Variants in PHC3 observed in about 807,000 individuals in gnomAD.
PHC3 encodes the protein polyhomeotic homolog 3.
Under a neutral mutation model 107.4 loss-of-function variants are expected in PHC3, and 13 were observed. That is an observed-to-expected ratio of 0.12 (90% CI 0.08 to 0.19). The LOEUF (loss-of-function observed/expected upper bound fraction) is 0.19. PHC3 is among the 10% of genes least tolerant of loss of function. The pLI is 1.00. For missense variants in PHC3, 992 were observed against 1,210.9 expected (o/e 0.82, Z 2.68); for synonymous variants, 456 against 427.4 (o/e 1.07, Z -0.83).
At position 170,102,976 on chromosome 3, in the gene PHC3, G is replaced by C. The variant is rs200268826; in HGVS notation, c.2469-42C>G. 9.2e-5 allele frequency: 142 copies of C among 1,544,268 alleles called. No homozygotes were observed. In the African/African-American group the frequency reaches 1.6e-3, roughly 17 times the overall value. ...AGAAAAAATATTTAATGATATATGG[G>C]ACAATCCATTTAGTATTTAATTGTG... is the stretch of plus-strand genomic sequence containing the variant. On this transcript the variant is annotated intron_variant, in intron 12 of 14. Coordinates refer to ENST00000495893, the MANE Select transcript of PHC3 (RefSeq NM_024947.4).
At chr3:170,180,142 A>AT (rs1400658533) in intron 1 of PHC3, among the ~76,000 whole-genome samples, 1 of 149,760 alleles carries the variant, frequency 6.7e-6, no homozygotes, top group Non-Finnish European at 1.5e-5. Flanking sequence ...GTAAAAAAAA[A>AT]CCGAACAAAA....
intron 10 of PHC3, among the ~76,000 whole-genome samples, chr3:170,113,752 A>G (rs913497736): frequency 1.3e-5 from 2 of 152,170 alleles, no homozygotes; most frequent in African/African-American, 4.8e-5. Context: ...GTCAAATGGA[A>G]CCTATTGTCT....
chr3:170,120,346 G>A (rs1317248226), intron 9 of PHC3, among the ~76,000 whole-genome samples: 1 of 152,080 alleles, frequency 6.6e-6, no homozygotes, highest in Non-Finnish European at 1.5e-5. Context: ...AGCATTTTGG[G>A]AGGCCGAAGT....
rs1048188373 is a variant in PHC3 at position 170,091,089 on chromosome 3, C to T, written c.*6141G>A. 3 of 152,174 alleles carry T rather than the reference C, an allele frequency of 2.0e-5. No homozygotes were observed. The highest frequency in any genetic ancestry group is 7.2e-5 in the African/African-American group (3 of 41,450). 9.4% of individuals were successfully genotyped at this position (152,174 alleles called of 1,614,324 possible). Reference sequence around the variant, plus strand: ...CTCATAAACACCAACTTTTTCACCACCATCACTTAAAGCTCCACAAAGCTT... The same window carrying T: ...CTCATAAACACCAACTTTTTCACCATCATCACTTAAAGCTCCACAAAGCTT... On this transcript the variant is annotated 3_prime_UTR_variant, in exon 15 of 15. Transcript: ENST00000495893.
intron 4 of PHC3, among the ~76,000 whole-genome samples, chr3:170,154,151 G>C (rs1726504742): frequency 6.6e-6 from 1 of 152,020 alleles, no homozygotes; most frequent in Non-Finnish European, 1.5e-5. Flanking sequence ...TAAGGGTGGG[G>C]GCCATGTGTT....
At chr3:170,116,972 T>C (rs1482564407) in intron 10 of PHC3, among the ~76,000 whole-genome samples, 2 of 152,068 alleles carry the variant, frequency 1.3e-5, no homozygotes, top group East Asian at 3.9e-4. Context: ...CAACTACCTT[T>C]CTCTAAAAAT....
At chr3:170,147,234 T>C (rs537453674) in intron 5 of PHC3, 15 of 152,306 alleles carry the variant, frequency 9.8e-5, no homozygotes, top group African/African-American at 2.9e-4. Context: ...TTTAGTAAAT[T>C]TGACAAGTTG....
intron 4 of PHC3, among the ~76,000 whole-genome samples, chr3:170,164,940 C>T (rs1360440721): frequency 6.6e-6 from 1 of 152,198 alleles, no homozygotes; most frequent in East Asian, 1.9e-4. Context: ...ACTCCCTCAA[C>T]CCCTCCAACA....
intron 7 of PHC3, 125 bp downstream of exon 7, chr3:170,136,294 T>C: frequency 8.5e-7 from 1 of 1,180,714 alleles, no homozygotes; most frequent in Non-Finnish European, 1.2e-6. Flanking sequence ...ATTAAGTTTA[T>C]AAAATTCACA....
chr3:170,176,200 TGGGC>T (rs1442996168), intron 2 of PHC3, among the ~76,000 whole-genome samples: 2 of 133,598 alleles, frequency 1.5e-5, no homozygotes, highest in Admixed American at 9.0e-5. Context: ...CACTCCAGCC[TGGGC>T]GATAGAGCGA....
intron 4 of PHC3, among the ~76,000 whole-genome samples, chr3:170,164,285 T>A (rs1027337996): frequency 5.9e-5 from 9 of 152,174 alleles, no homozygotes; most frequent in Non-Finnish European, 1.3e-4. Context: ...AGGGAAGTAG[T>A]CACTTTTACT....
chr3:170,099,059 A>G (rs541540174), intron 14 of PHC3, among the ~76,000 whole-genome samples: 3 of 152,292 alleles, frequency 2.0e-5, no homozygotes, highest in South Asian at 4.1e-4. Context: ...GAAAGAAAAG[A>G]AGAGAGAGAA....
At chr3:170,175,643 G>A (rs567852294) in intron 2 of PHC3, among the ~76,000 whole-genome samples, 169 of 151,430 alleles carry the variant, frequency 1.1e-3, no homozygotes, top group African/African-American at 3.9e-3. Flanking sequence ...AAAAGGGGGG[G>A]GCCAGGCGCA....
At chr3:170,124,907 AAAAATAAAAT>A (rs888524905) in intron 8 of PHC3, among the ~76,000 whole-genome samples, 2 of 152,214 alleles carry the variant, frequency 1.3e-5, no homozygotes, top group Non-Finnish European at 2.9e-5. Context: ...GGTGACAATC[AAAAATAAAAT>A]AAAATAAAAT....
At chr3:170,103,070 G>GT (rs1715787173) in intron 12 of PHC3, 136 bp from the exon 13 acceptor site, 1 of 887,960 alleles carries the variant, frequency 1.1e-6, no homozygotes, top group East Asian at 2.7e-5. Flanking sequence ...ACCTCATAAA[G>GT]TAACTACACT....
At position 170,097,821 on chromosome 3, in the gene PHC3, A is replaced by G. The variant is rs1407362874; in HGVS notation, c.2834-437T>C. Among the ~76,000 whole-genome samples the G allele has an allele frequency of 6.6e-6, 1 of 152,206 alleles. No homozygotes were observed. Among genetic ancestry groups the G allele is most frequent in the Non-Finnish European group, 1.5e-5 (1 of 68,044 alleles). ...AATATGTTTTGTCATTTAAATAACA[A>G]TCTAGAAATATTTTCTCAAGTAAGT... On this transcript the variant is annotated intron_variant, in intron 14 of 14. Coordinates refer to ENST00000495893, the MANE Select transcript of PHC3 (RefSeq NM_024947.4). The surrounding 1 kb of genome is among the most constrained non-coding windows in gnomAD (Gnocchi z 4.1).
intron 11 of PHC3, among the ~76,000 whole-genome samples, chr3:170,109,586 T>G (rs1349844456): frequency 2.6e-5 from 4 of 152,108 alleles, no homozygotes; most frequent in Non-Finnish European, 5.9e-5. Context: ...TGCTTCCTAA[T>G]CTAGATCCCC....
At chr3:170,161,907 C>T (rs73879182) in intron 4 of PHC3, among the ~76,000 whole-genome samples, 16,879 of 152,208 alleles carry the variant, frequency 0.11, 1,007 homozygotes, top group Middle Eastern at 0.16. Flanking sequence ...CCCTAAAGGT[C>T]CTATCTCTAA....
rs1279669925 is a variant in PHC3 at position 170,087,782 on chromosome 3, A to G, written c.*9448T>C. ...AGGTGCAATTACAAGCAAGTTAAGC[A>G]GCAGAGTATAAGGTGCTTTAATTTA... On this transcript the variant is annotated 3_prime_UTR_variant, in exon 15 of 15. Transcript: ENST00000495893. 1 of 152,236 alleles carries G rather than the reference A, an allele frequency of 6.6e-6. No individual in the cohort carries two copies. Among genetic ancestry groups the G allele is most frequent in the African/African-American group, 2.4e-5 (1 of 41,476 alleles). 9.4% of individuals were successfully genotyped at this position (152,236 alleles called of 1,614,324 possible).
Sources: allele counts gnomAD v4.1 joint callset (sites outside exome capture counted in the v4.1 genomes callset), GRCh38; gene constraint gnomAD v4.1.1; non-coding constraint Gnocchi (gnomAD v3.1); transcripts MANE v1.5; gene names NCBI Gene and HGNC (gene_info 2026-07-23, HGNC 2026-07-21).